Variants in CNTN5 observed in about 807,000 individuals in gnomAD.
The protein encoded by CNTN5 is contactin-5.
CNTN5 carries 77 observed loss-of-function variants against 129.1 expected under a neutral mutation model. The ratio of observed to expected loss-of-function variants is 0.60; its 90% confidence interval spans 0.50 to 0.72. CNTN5 has a LOEUF of 0.72. Among genes scored for constraint, CNTN5 ranks in the 30% least tolerant of loss-of-function variants. CNTN5 has a pLI of 0.00. For missense variants in CNTN5, 1,478 were observed against 1,328.8 expected (o/e 1.11, Z -1.75); for synonymous variants, 509 against 465.6 (o/e 1.09, Z -1.20).
chr11:99,980,978 T>C (rs1938291959), intron 8 of CNTN5, among the ~76,000 whole-genome samples: 1 of 150,830 alleles, frequency 6.6e-6, no homozygotes, highest in Admixed American at 6.6e-5. Flanking sequence ...AAAAGTAACT[T>C]TTTTTCATAT....
chr11:99,832,163 C>G (rs1467805125), intron 4 of CNTN5, among the ~76,000 whole-genome samples: 1 of 152,072 alleles, frequency 6.6e-6, no homozygotes, highest in African/African-American at 2.4e-5. Flanking sequence ...TGCTTTTTGT[C>G]TAACATCATT....
chr11:99,334,026 T>A (rs1866116183), intron 2 of CNTN5, among the ~76,000 whole-genome samples: 1 of 151,736 alleles, frequency 6.6e-6, no homozygotes, highest in Non-Finnish European at 1.5e-5. Context: ...ATTAAAAATA[T>A]AAATTATCAA....
intron 2 of CNTN5, among the ~76,000 whole-genome samples, chr11:99,354,247 T>A (rs1447430077): frequency 6.6e-6 from 1 of 152,184 alleles, no homozygotes; most frequent in African/African-American, 2.4e-5. Flanking sequence ...CATGACCAGA[T>A]AAATCACATG....
At chr11:99,175,993 G>A (rs1335486964) in intron 1 of CNTN5, among the ~76,000 whole-genome samples, 1 of 152,136 alleles carries the variant, frequency 6.6e-6, no homozygotes, top group Admixed American at 6.5e-5. Context: ...CATGGTTCTA[G>A]CAATTATTTT....
At chr11:99,188,386 G>A (rs1307139907) in intron 1 of CNTN5, among the ~76,000 whole-genome samples, 1 of 151,736 alleles carries the variant, frequency 6.6e-6, no homozygotes, top group Non-Finnish European at 1.5e-5. Flanking sequence ...CTCACCATCT[G>A]TGTACGAGAA....
chr11:100,026,463 C>A (rs1941422931), intron 9 of CNTN5, among the ~76,000 whole-genome samples: 1 of 152,092 alleles, frequency 6.6e-6, no homozygotes, highest in Non-Finnish European at 1.5e-5. Flanking sequence ...AACTGGCAAA[C>A]TGATTTCCAA....
chr11:99,704,811 G>A (rs1240190659), intron 3 of CNTN5, among the ~76,000 whole-genome samples: 28 of 151,274 alleles, frequency 1.9e-4, no homozygotes, highest in Admixed American at 1.5e-3. Flanking sequence ...TAAAAAATGC[G>A]AAAGTTATCC....
intron 2 of CNTN5, among the ~76,000 whole-genome samples, chr11:99,458,372 T>A (rs1331939450): frequency 6.6e-6 from 1 of 151,984 alleles, no homozygotes. Flanking sequence ...AAAGTCATTT[T>A]TAGTAATCAA....
chr11:100,152,069 A>G (rs1322322630), intron 13 of CNTN5, among the ~76,000 whole-genome samples: 2 of 152,174 alleles, frequency 1.3e-5, no homozygotes, highest in Non-Finnish European at 2.9e-5. Context: ...GAAATAAGCA[A>G]TCTTCAGCCT....
intron 13 of CNTN5, among the ~76,000 whole-genome samples, chr11:100,100,234 T>C (rs1047089905): frequency 6.6e-6 from 1 of 152,154 alleles, no homozygotes; most frequent in Admixed American, 6.6e-5. Context: ...CCCTGTGTTT[T>C]TGTGTTTGTG....
chr11:99,170,258 G>A (rs951692174), intron 1 of CNTN5, among the ~76,000 whole-genome samples: 1 of 152,072 alleles, frequency 6.6e-6, no homozygotes, highest in Non-Finnish European at 1.5e-5. Flanking sequence ...GGTAGATTCA[G>A]ATCAAGAAAA....
At chr11:99,956,142 A>G (rs1950796577) in intron 7 of CNTN5, among the ~76,000 whole-genome samples, 1 of 151,826 alleles carries the variant, frequency 6.6e-6, no homozygotes, top group Non-Finnish European at 1.5e-5. Flanking sequence ...GTTCTTAGGT[A>G]CGTTGTCTTG....
intron 9 of CNTN5, among the ~76,000 whole-genome samples, chr11:100,031,943 AC>A (rs113139888): frequency 0.04 from 6,014 of 151,174 alleles, 408 homozygotes; most frequent in African/African-American, 0.14. Context: ...GAAGGTGGTG[AC>A]CCCCCTGGAC....
intron 1 of CNTN5, among the ~76,000 whole-genome samples, chr11:99,169,372 ATG>A (rs71046671): frequency 2.7e-4 from 41 of 151,110 alleles, no homozygotes; most frequent in African/African-American, 6.8e-4. Flanking sequence ...AATAAGCTAT[ATG>A]TGTGTGTGTG....
At chr11:99,945,726 G>A (rs1237410118) in intron 7 of CNTN5, among the ~76,000 whole-genome samples, 3 of 151,924 alleles carry the variant, frequency 2.0e-5, no homozygotes, top group Non-Finnish European at 4.4e-5. Flanking sequence ...AAATATTCAA[G>A]CACGTTTTTG....
chr11:100,336,833 C>G (rs1228923045), intron 21 of CNTN5: 1 of 438,822 alleles, frequency 2.3e-6, no homozygotes, highest in African/African-American at 2.0e-5. Flanking sequence ...TTCCCGGCCT[C>G]TTCCCCAGAG....
chr11:99,721,828 A>G (rs1405326776), intron 3 of CNTN5, among the ~76,000 whole-genome samples: 1 of 152,200 alleles, frequency 6.6e-6, no homozygotes, highest in Non-Finnish European at 1.5e-5. Context: ...GGCAAACAAC[A>G]TGAACAAACA....
chr11:99,241,251 A>G (rs566824187), intron 1 of CNTN5, among the ~76,000 whole-genome samples: 1 of 150,378 alleles, frequency 6.6e-6, no homozygotes, highest in Admixed American at 6.6e-5. Flanking sequence ...ATGCCAGGCA[A>G]TATTTGCAGA....
At chr11:99,382,716 C>T (rs185795882) in intron 2 of CNTN5, among the ~76,000 whole-genome samples, 2 of 152,160 alleles carry the variant, frequency 1.3e-5, no homozygotes, top group Admixed American at 1.3e-4. Context: ...GGTTTCTTCA[C>T]TGTCCTTTAA....
Sources: gnomAD v4.1 joint callset for allele counts (sites outside exome capture counted in the v4.1 genomes callset) on GRCh38, gnomAD v4.1.1 for gene constraint, MANE v1.5 for transcripts, NCBI Gene and HGNC (gene_info 2026-07-23, HGNC 2026-07-21) for gene names.